Variants in SDC2 observed in about 807,000 individuals in gnomAD.
SDC2 encodes the protein syndecan-2.
Under a neutral mutation model 22.2 loss-of-function variants are expected in SDC2, and 13 were observed. That is an observed-to-expected ratio of 0.59 (90% CI 0.38 to 0.93). The LOEUF (loss-of-function observed/expected upper bound fraction) is 0.93. Ranked by LOEUF, SDC2 falls within the 40% of genes least tolerant of loss-of-function variation. SDC2 has a pLI of 0.00. For missense variants in SDC2, 235 were observed against 246.8 expected, an observed-to-expected ratio of 0.95 and a Z score of 0.32; for synonymous variants, 94 against 92.8, an observed-to-expected ratio of 1.01 and a Z score of -0.07.
intron 1 of SDC2, among the ~76,000 whole-genome samples, chr8:96,556,506 A>G (rs1012298360): frequency 6.6e-6 from 1 of 152,092 alleles, no homozygotes; most frequent in Non-Finnish European, 1.5e-5. Flanking sequence ...CAAACCTGAC[A>G]AAAACAAGAA....
At chr8:96,589,557 C>T (rs1814743165) in intron 1 of SDC2, among the ~76,000 whole-genome samples, 1 of 152,172 alleles carries the variant, frequency 6.6e-6, no homozygotes, top group Non-Finnish European at 1.5e-5. Flanking sequence ...GGATTACAGG[C>T]ACCTGCCACC....
chr8:96,561,896 TTTTG>T (rs750795673), intron 1 of SDC2, among the ~76,000 whole-genome samples: 83 of 152,274 alleles, frequency 5.5e-4, no homozygotes, highest in Middle Eastern at 3.4e-3. Context: ...GGCATGGGGT[TTTTG>T]TTTGTTTGTT....
At chr8:96,587,280 T>G (rs1586316508) in intron 1 of SDC2, among the ~76,000 whole-genome samples, 1 of 152,234 alleles carries the variant, frequency 6.6e-6, no homozygotes, top group African/African-American at 2.4e-5. Flanking sequence ...TTCTTTCATG[T>G]GTGACCTCAC....
chr8:96,525,328 C>T (rs1813560559), intron 1 of SDC2, among the ~76,000 whole-genome samples: 2 of 151,640 alleles, frequency 1.3e-5, no homozygotes, highest in Admixed American at 1.3e-4. Context: ...CTTTCTGCTC[C>T]TCTTTTAACA....
chr8:96,546,546 T>C (rs1813935524), intron 1 of SDC2, among the ~76,000 whole-genome samples: 1 of 152,128 alleles, frequency 6.6e-6, no homozygotes, highest in Admixed American at 6.6e-5. Flanking sequence ...CCTCCCTTTA[T>C]TTTTGCTTGG....
chr8:96,606,974 A>T (rs755641990), intron 3 of SDC2, among the ~76,000 whole-genome samples: 1 of 152,122 alleles, frequency 6.6e-6, no homozygotes, highest in African/African-American at 2.4e-5. Flanking sequence ...GAAGTGAGTG[A>T]GCATTACCAC....
intron 3 of SDC2, among the ~76,000 whole-genome samples, 180 bp from the exon 4 acceptor site, chr8:96,608,155 T>A (rs985802124): frequency 6.6e-6 from 1 of 152,194 alleles, no homozygotes; most frequent in Non-Finnish European, 1.5e-5. Flanking sequence ...AACCATGAAC[T>A]ACATGGGTCC....
intron 1 of SDC2, among the ~76,000 whole-genome samples, chr8:96,566,893 G>C (rs1464959968): frequency 2.6e-5 from 4 of 152,066 alleles, no homozygotes; most frequent in African/African-American, 9.7e-5. Flanking sequence ...ACACTCTGTT[G>C]CCCAGGCTGG....
chr8:96,592,258 G>C (rs777790782), intron 1 of SDC2, among the ~76,000 whole-genome samples: 16 of 152,212 alleles, frequency 1.1e-4, no homozygotes, highest in Non-Finnish European at 2.2e-4. Context: ...GCTGAAACCT[G>C]AGAAAATAAA....
intron 1 of SDC2, among the ~76,000 whole-genome samples, chr8:96,498,814 T>C (rs1813115745): frequency 1.3e-5 from 2 of 152,186 alleles, no homozygotes; most frequent in African/African-American, 4.8e-5. Flanking sequence ...GCAGCACTAA[T>C]CTTGATGGGA....
At chr8:96,568,597 C>T (rs1471286000) in intron 1 of SDC2, among the ~76,000 whole-genome samples, 2 of 152,208 alleles carry the variant, frequency 1.3e-5, no homozygotes, top group Non-Finnish European at 2.9e-5. Flanking sequence ...ATAAATACCA[C>T]AGAAACAGTG....
At position 96,609,659 on chromosome 8, in the gene SDC2, G is replaced by A; in HGVS notation, c.*111G>A. The A allele has an allele frequency of 1.6e-6, 1 of 624,506 alleles. No individual in the cohort carries two copies. Among genetic ancestry groups the A allele is most frequent in the Non-Finnish European group, 2.5e-6 (1 of 400,550 alleles). The allele number at this position is 624,506 out of a possible 1,614,324, so 38.7% of individuals were successfully genotyped here. Reference sequence around the variant, plus strand: ...TTGTTTTCATTAAAGAGCCATTCTGGCACTTTAATGATAAAATCCCATTGT... The same window carrying A: ...TTGTTTTCATTAAAGAGCCATTCTGACACTTTAATGATAAAATCCCATTGT... On this transcript the variant is annotated 3_prime_UTR_variant, in exon 5 of 5. Coordinates refer to ENST00000302190, the MANE Select transcript of SDC2 (RefSeq NM_002998.4).
At chr8:96,525,526 C>A (rs545896321) in intron 1 of SDC2, among the ~76,000 whole-genome samples, 1 of 152,280 alleles carries the variant, frequency 6.6e-6, no homozygotes, top group African/African-American at 2.4e-5. Flanking sequence ...CTTGCCCTTG[C>A]TGCTTTATAT....
At chr8:96,536,886 T>C (rs1169594287) in intron 1 of SDC2, among the ~76,000 whole-genome samples, 1 of 152,240 alleles carries the variant, frequency 6.6e-6, no homozygotes, top group Admixed American at 6.5e-5. Context: ...ACTGGATAAC[T>C]GGCAGGTAAC....
chr8:96,562,229 T>C (rs768115209), intron 1 of SDC2, among the ~76,000 whole-genome samples: 5 of 152,254 alleles, frequency 3.3e-5, no homozygotes, highest in African/African-American at 4.8e-5. Context: ...TGTCCCATTG[T>C]TCCAGCTCTA....
intron 1 of SDC2, among the ~76,000 whole-genome samples, chr8:96,496,067 A>C (rs1813069558): frequency 6.6e-6 from 1 of 152,168 alleles, no homozygotes; most frequent in African/African-American, 2.4e-5. Flanking sequence ...AATAAATTTC[A>C]AGAGCCTGCC....
intron 1 of SDC2, among the ~76,000 whole-genome samples, chr8:96,557,881 A>G (rs1388469275): frequency 2.0e-5 from 3 of 152,212 alleles, no homozygotes; most frequent in East Asian, 1.9e-4. Context: ...GGAAGATCCT[A>G]TAACTCTATG....
intron 1 of SDC2, among the ~76,000 whole-genome samples, chr8:96,523,502 G>A (rs940255295): frequency 3.3e-5 from 5 of 152,086 alleles, no homozygotes; most frequent in South Asian, 2.1e-4. Flanking sequence ...TTTCATTCTC[G>A]GCATTCTGGG....
intron 2 of SDC2, among the ~76,000 whole-genome samples, chr8:96,600,232 C>T (rs575184839): frequency 6.6e-4 from 101 of 152,170 alleles, no homozygotes; most frequent in African/African-American, 2.4e-3. Context: ...TACATTGATG[C>T]GATTCTGTGG....
Sources: gnomAD v4.1 joint callset for allele counts (sites outside exome capture counted in the v4.1 genomes callset) on GRCh38, gnomAD v4.1.1 for gene constraint, MANE v1.5 for transcripts, NCBI Gene and HGNC (gene_info 2026-07-23, HGNC 2026-07-21) for gene names.